SUPT3H: variants seen among roughly 807,000 people sequenced by gnomAD.
The protein encoded by SUPT3H is transcription initiation protein SPT3 homolog.
Under a neutral mutation model 44.3 loss-of-function variants are expected in SUPT3H, and 44 were observed. The observed-to-expected ratio is 0.99, with a 90% CI of 0.78 to 1.28. SUPT3H has a LOEUF of 1.28. Ranked by LOEUF, SUPT3H falls within the 50% of genes most tolerant of loss-of-function variation. The pLI is 0.00. For missense variants in SUPT3H, 380 were observed against 387.1 expected (o/e 0.98, Z 0.15); for synonymous variants, 124 against 125.6 (o/e 0.99, Z 0.09).
At chr6:45,191,341 C>T (rs1379900718) in intron 2 of SUPT3H, among the ~76,000 whole-genome samples, 1 of 151,978 alleles carries the variant, frequency 6.6e-6, no homozygotes, top group Non-Finnish European at 1.5e-5. Context: ...ATGATTCCAA[C>T]TATATGAAAT....
chr6:45,270,221 T>C (rs568076219), intron 2 of SUPT3H, among the ~76,000 whole-genome samples: 1 of 152,272 alleles, frequency 6.6e-6, no homozygotes, highest in Admixed American at 6.5e-5. Context: ...CACTTATTAC[T>C]CTATCCCTAA....
intron 2 of SUPT3H, among the ~76,000 whole-genome samples, chr6:45,270,684 C>A (rs1166578003): frequency 6.6e-6 from 1 of 152,150 alleles, no homozygotes; most frequent in Non-Finnish European, 1.5e-5. Context: ...ATACAGTAAA[C>A]TGGTACCACC....
intron 2 of SUPT3H, among the ~76,000 whole-genome samples, chr6:45,290,930 G>C (rs1331490376): frequency 6.6e-6 from 1 of 152,182 alleles, no homozygotes; most frequent in East Asian, 1.9e-4. Context: ...CTCTAACTCG[G>C]ATGGACAGAG....
At chr6:44,922,533 G>C (rs1332798364) in intron 10 of SUPT3H, among the ~76,000 whole-genome samples, 2 of 152,074 alleles carry the variant, frequency 1.3e-5, no homozygotes, top group Non-Finnish European at 2.9e-5. Flanking sequence ...ATTTGGAGGG[G>C]ATTTTTTTGT....
At chr6:45,231,043 C>T (rs528443790) in intron 2 of SUPT3H, among the ~76,000 whole-genome samples, 1 of 152,198 alleles carries the variant, frequency 6.6e-6, no homozygotes, top group East Asian at 1.9e-4. Context: ...TTCCCCGTCA[C>T]CTTGTTAACT....
chr6:44,815,928 A>G (rs1289605508), intron 11 of SUPT3H, among the ~76,000 whole-genome samples: 3 of 152,052 alleles, frequency 2.0e-5, no homozygotes, highest in Admixed American at 6.5e-5. Flanking sequence ...ATAGAATACT[A>G]CATCAAAGAG....
At chr6:45,005,616 G>A (rs1348730170) in intron 5 of SUPT3H, among the ~76,000 whole-genome samples, 4 of 149,860 alleles carry the variant, frequency 2.7e-5, no homozygotes, top group Non-Finnish European at 4.4e-5. Context: ...CAGGAGAATC[G>A]CTTGAACCCG....
intron 10 of SUPT3H, among the ~76,000 whole-genome samples, chr6:44,914,826 A>C (rs1767570791): frequency 6.6e-6 from 1 of 152,208 alleles, no homozygotes; most frequent in African/African-American, 2.4e-5. Flanking sequence ...ATTAAGACGC[A>C]GTCCTTTGGT....
chr6:45,352,762 C>T (rs1246739264), intron 2 of SUPT3H, among the ~76,000 whole-genome samples: 2 of 150,482 alleles, frequency 1.3e-5, no homozygotes, highest in African/African-American at 4.9e-5. Flanking sequence ...CATGTATTTA[C>T]AAAATAAAGA....
chr6:44,888,248 C>T (rs1762661017), intron 10 of SUPT3H, among the ~76,000 whole-genome samples: 2 of 152,144 alleles, frequency 1.3e-5, no homozygotes, highest in Admixed American at 6.5e-5. Context: ...AGAGGGAATC[C>T]TCCCTGACTC....
intron 4 of SUPT3H, among the ~76,000 whole-genome samples, chr6:45,016,205 A>G (rs1784241649): frequency 6.6e-6 from 1 of 152,070 alleles, no homozygotes; most frequent in African/African-American, 2.4e-5. Context: ...GATACCTACA[A>G]CATCACTTGA....
chr6:45,073,601 TAGAATAGTCACTAATTTATGC>T (rs1794661435), intron 3 of SUPT3H, among the ~76,000 whole-genome samples: 1 of 152,076 alleles, frequency 6.6e-6, no homozygotes, highest in Admixed American at 6.6e-5. Context: ...AAATTTTATA[TAGAATAGTCACTAATTTATGC>T]TACTATATCT....
intron 2 of SUPT3H, among the ~76,000 whole-genome samples, chr6:45,175,012 TAAAA>T (rs57838175): frequency 3.7e-4 from 23 of 62,528 alleles, no homozygotes; most frequent in African/African-American, 1.1e-3. Flanking sequence ...CCCTCGTCAC[TAAAA>T]AAAAAAAAAA....
intron 3 of SUPT3H, among the ~76,000 whole-genome samples, chr6:45,034,117 C>T (rs1211158152): frequency 6.6e-6 from 1 of 151,974 alleles, no homozygotes; most frequent in Admixed American, 6.6e-5. Context: ...GGGAAATGAC[C>T]AGGGAGATTG....
intron 2 of SUPT3H, among the ~76,000 whole-genome samples, chr6:45,303,730 C>A (rs1201622593): frequency 6.6e-6 from 1 of 150,572 alleles, no homozygotes; most frequent in Non-Finnish European, 1.5e-5. Flanking sequence ...CACAGTGGCT[C>A]ATGCCTGTAA....
At chr6:45,050,139 T>G (rs1230629929) in intron 3 of SUPT3H, among the ~76,000 whole-genome samples, 1 of 152,202 alleles carries the variant, frequency 6.6e-6, no homozygotes, top group Non-Finnish European at 1.5e-5. Context: ...TAAAATCTCC[T>G]GAAGTACTTC....
At chr6:45,373,710 C>G (rs763767053) in intron 1 of SUPT3H, among the ~76,000 whole-genome samples, 2 of 152,014 alleles carry the variant, frequency 1.3e-5, no homozygotes, top group African/African-American at 4.8e-5. Flanking sequence ...ACCACCATGC[C>G]CGGCTAATTT....
At chr6:44,887,749 G>A (rs1762554662) in intron 10 of SUPT3H, among the ~76,000 whole-genome samples, 1 of 151,118 alleles carries the variant, frequency 6.6e-6, no homozygotes, top group East Asian at 1.9e-4. Flanking sequence ...GCTAGCAGAA[G>A]GCAAGAAATA....
chr6:45,131,525 G>T (rs1025534619), intron 2 of SUPT3H, among the ~76,000 whole-genome samples: 7 of 151,974 alleles, frequency 4.6e-5, no homozygotes, highest in Middle Eastern at 3.4e-3. Context: ...GTATAGATGG[G>T]TTTCTAACAT....
Sources: gnomAD v4.1 joint callset for allele counts (sites outside exome capture counted in the v4.1 genomes callset) on GRCh38, gnomAD v4.1.1 for gene constraint, MANE v1.5 for transcripts, NCBI Gene and HGNC (gene_info 2026-07-23, HGNC 2026-07-21) for gene names.